The following SPOCK1 variants were observed in gnomAD, a reference collection of about 807,000 sequenced individuals.
SPOCK1 encodes the protein SPARC (osteonectin), cwcv and kazal like domains proteoglycan 1, also known as testican-1.
Under a neutral mutation model 55.3 loss-of-function variants are expected in SPOCK1, and 23 were observed. The observed-to-expected ratio is 0.42, with a 90% CI of 0.30 to 0.59. SPOCK1 has a LOEUF of 0.59. Among genes scored for constraint, SPOCK1 ranks in the 20% least tolerant of loss-of-function variants. The pLI is 0.22. For missense variants in SPOCK1, 499 were observed against 552.5 expected, an observed-to-expected ratio of 0.90 and a Z score of 0.97; for synonymous variants, 226 against 221.0, an observed-to-expected ratio of 1.02 and a Z score of -0.20.
intron 6 of SPOCK1, among the ~76,000 whole-genome samples, chr5:137,038,891 GTATGTCCTACTA>G (rs1453817090): frequency 2.0e-5 from 3 of 152,196 alleles, no homozygotes; most frequent in African/African-American, 7.2e-5. Flanking sequence ...GTATTCATCA[GTATGTCCTACTA>G]TATGTCCGGC....
At chr5:137,097,356 C>T (rs1753171987) in intron 5 of SPOCK1, among the ~76,000 whole-genome samples, 1 of 152,186 alleles carries the variant, frequency 6.6e-6, no homozygotes, top group Non-Finnish European at 1.5e-5. Flanking sequence ...TCCCAGCAAC[C>T]AAAGTTGCTG....
At chr5:137,073,966 G>A (rs1034910162) in intron 5 of SPOCK1, among the ~76,000 whole-genome samples, 18 of 152,266 alleles carry the variant, frequency 1.2e-4, no homozygotes, top group Admixed American at 9.2e-4. Context: ...CACTGGCGGC[G>A]GGACAGGCTG....
chr5:137,424,285 G>A (rs886479195), intron 2 of SPOCK1, among the ~76,000 whole-genome samples: 5 of 152,178 alleles, frequency 3.3e-5, no homozygotes, highest in Admixed American at 6.5e-5. Flanking sequence ...GGAGGCTGAG[G>A]TGGGACGATC....
At chr5:137,359,075 C>A (rs1174607501) in intron 2 of SPOCK1, among the ~76,000 whole-genome samples, 1 of 152,148 alleles carries the variant, frequency 6.6e-6, no homozygotes, top group African/African-American at 2.4e-5. Context: ...ACTGGGGAGT[C>A]TGTGAAATAA....
At chr5:137,253,539 C>T (rs866496156) in intron 3 of SPOCK1, among the ~76,000 whole-genome samples, 31 of 152,290 alleles carry the variant, frequency 2.0e-4, no homozygotes, top group African/African-American at 5.8e-4. Flanking sequence ...ACTGCCTAAA[C>T]TCAAGGTCAG....
At chr5:137,244,287 T>C (rs1465122336) in intron 3 of SPOCK1, among the ~76,000 whole-genome samples, 2 of 152,202 alleles carry the variant, frequency 1.3e-5, no homozygotes, top group African/African-American at 4.8e-5. Flanking sequence ...ATTCAACGTG[T>C]AGAAAATTCA....
At chr5:137,168,484 A>T (rs918882252) in intron 3 of SPOCK1, among the ~76,000 whole-genome samples, 5 of 152,150 alleles carry the variant, frequency 3.3e-5, no homozygotes, top group African/African-American at 1.2e-4. Flanking sequence ...AAAATATATA[A>T]GGAGGTCAAA....
In SPOCK1 at chr5:137,293,623, T is replaced by G. The variant is rs577489192; in HGVS notation, c.187-26568A>C. On this transcript the variant is annotated intron_variant, in intron 2 of 10. Transcript: ENST00000394945. ...TGCTCCTGGTATGAATCATGAATACTACCATAAAGAAAGGTAATACCACTT... is the reference window on the plus strand; with the variant it reads ...TGCTCCTGGTATGAATCATGAATACGACCATAAAGAAAGGTAATACCACTT... Among the ~76,000 whole-genome samples the G allele has an allele frequency of 6.6e-5, 10 of 152,308 alleles. No homozygotes were observed. In the East Asian group the frequency reaches 1.7e-3, roughly 27 times the overall value.
At position 137,112,517 on chromosome 5, in the gene SPOCK1, G is replaced by A. The variant is rs146503135; in HGVS notation, c.392C>T (p.Ser131Leu). ...ACAGGGCTTGCACTTGACCAAATTCGAAGGTCCAACCCAGTGTTTCTGGGC... is the reference window on the plus strand; with the variant it reads ...ACAGGGCTTGCACTTGACCAAATTCAAAGGTCCAACCCAGTGTTTCTGGGC... Reference protein sequence around the residue: ...NVAQKHWVGPSNLVKCKPCPV... With the variant: ...NVAQKHWVGPLNLVKCKPCPV... The change falls in exon 5 of 11, where the codon TCG becomes TTG. Residue 131 changes from serine (S) to leucine (L), a missense_variant. By Grantham distance (145) the Ser-to-Leu change is moderately radical. Transcript: ENST00000394945. 51 of 1,613,670 alleles carry A rather than the reference G, an allele frequency of 3.2e-5. No homozygotes were observed. Among genetic ancestry groups the A allele is most frequent in the South Asian group, 2.6e-4 (24 of 91,060 alleles).
intron 2 of SPOCK1, among the ~76,000 whole-genome samples, chr5:137,291,523 C>T (rs183833002): frequency 2.0e-5 from 3 of 152,298 alleles, no homozygotes; most frequent in East Asian, 3.9e-4. Flanking sequence ...ATGGCAACTC[C>T]AGGAGGCCAC....
At chr5:137,492,231 C>T (rs978305746) in intron 2 of SPOCK1, among the ~76,000 whole-genome samples, 1 of 152,216 alleles carries the variant, frequency 6.6e-6, no homozygotes, top group Non-Finnish European at 1.5e-5. Flanking sequence ...GCACACTCTA[C>T]CAACTTAGCC....
intron 2 of SPOCK1, among the ~76,000 whole-genome samples, chr5:137,361,055 G>A (rs1750932865): frequency 6.6e-6 from 1 of 152,162 alleles, no homozygotes; most frequent in Admixed American, 6.5e-5. Context: ...TGAGGGTGCT[G>A]CCCCATTAAG....
At chr5:137,214,930 T>C (rs1442762679) in intron 3 of SPOCK1, among the ~76,000 whole-genome samples, 1 of 152,150 alleles carries the variant, frequency 6.6e-6, no homozygotes, top group Non-Finnish European at 1.5e-5. Context: ...ATGTAACCAT[T>C]ACAAGGGAAA....
chr5:136,993,182 G>T (rs951864877), intron 6 of SPOCK1: 2 of 152,214 alleles, frequency 1.3e-5, no homozygotes, highest in African/African-American at 4.8e-5. Flanking sequence ...CCATGAAACA[G>T]TCCTTTCAGC....
intron 2 of SPOCK1, among the ~76,000 whole-genome samples, chr5:137,442,522 G>C (rs973716242): frequency 2.0e-5 from 3 of 152,180 alleles, no homozygotes; most frequent in Non-Finnish European, 4.4e-5. Flanking sequence ...AAGATAGTGC[G>C]TGTACAACAC....
intron 2 of SPOCK1, among the ~76,000 whole-genome samples, chr5:137,407,469 G>A (rs1229719): frequency 6.6e-6 from 1 of 152,004 alleles, no homozygotes; most frequent in Non-Finnish European, 1.5e-5. Flanking sequence ...TACCTGAGAG[G>A]GGGGAGTGGT....
intron 3 of SPOCK1, among the ~76,000 whole-genome samples, chr5:137,266,630 T>A (rs1206974884): frequency 1.3e-5 from 2 of 152,212 alleles, no homozygotes; most frequent in African/African-American, 4.8e-5. Context: ...AAAGAAAGTT[T>A]CATTGTTATG....
chr5:137,336,028 A>G (rs972968583), intron 2 of SPOCK1, among the ~76,000 whole-genome samples: 2 of 152,234 alleles, frequency 1.3e-5, no homozygotes, highest in Non-Finnish European at 2.9e-5. Context: ...CAAAATTAAT[A>G]TCACACACTG....
intron 3 of SPOCK1, among the ~76,000 whole-genome samples, chr5:137,198,043 T>C (rs1173869943): frequency 2.6e-5 from 4 of 152,246 alleles, no homozygotes; most frequent in Non-Finnish European, 5.9e-5. Context: ...TTTCGTTATA[T>C]TGACATCAGT....
Sources: allele counts gnomAD v4.1 joint callset (sites outside exome capture counted in the v4.1 genomes callset), GRCh38; gene constraint gnomAD v4.1.1; transcripts MANE v1.5; gene names NCBI Gene and HGNC (gene_info 2026-07-23, HGNC 2026-07-21).